The following ENOX1 variants were observed in gnomAD, a reference collection of about 807,000 sequenced individuals.
ENOX1 encodes the protein candidate growth-related and time keeping constitutive hydroquinone (NADH) oxidase.
In ENOX1, 42 loss-of-function variants were observed where a neutral mutation model predicts 82.5. The observed-to-expected ratio is 0.51, with a 90% CI of 0.40 to 0.66. The LOEUF (loss-of-function observed/expected upper bound fraction) is 0.66, where lower values mean the gene tolerates loss of function less well. ENOX1 is among the 30% of genes least tolerant of loss of function. ENOX1 has a pLI of 0.00. For synonymous variants in ENOX1, 271 were observed against 282.2 expected (o/e 0.96, Z 0.40); for missense variants, 608 against 811.6 (o/e 0.75, Z 3.05).
intron 1 of ENOX1, among the ~76,000 whole-genome samples, chr13:43,698,980 A>G (rs2086779033): frequency 1.3e-5 from 2 of 152,224 alleles, no homozygotes; most frequent in East Asian, 1.9e-4. Flanking sequence ...CCAACATTTC[A>G]GACAGAGAAG....
At chr13:43,595,279 T>C (rs912961443) in intron 2 of ENOX1, among the ~76,000 whole-genome samples, 2 of 152,036 alleles carry the variant, frequency 1.3e-5, no homozygotes, top group Non-Finnish European at 2.9e-5. Context: ...TATTTACATT[T>C]TCTTTTTCTT....
chr13:43,698,329 T>C (rs2086740652), intron 1 of ENOX1, among the ~76,000 whole-genome samples: 1 of 152,074 alleles, frequency 6.6e-6, no homozygotes, highest in Non-Finnish European at 1.5e-5. Context: ...ACACATTCAA[T>C]CTTGACCTGG....
At chr13:43,345,605 A>C (rs1172517906) in intron 8 of ENOX1, among the ~76,000 whole-genome samples, 1 of 152,200 alleles carries the variant, frequency 6.6e-6, no homozygotes, top group East Asian at 1.9e-4. Flanking sequence ...AGGTGGAGAA[A>C]AAGAAAGTTT....
At chr13:43,599,900 G>T (rs1412052320) in intron 2 of ENOX1, among the ~76,000 whole-genome samples, 1 of 151,734 alleles carries the variant, frequency 6.6e-6, no homozygotes, top group Non-Finnish European at 1.5e-5. Flanking sequence ...CCCATTCCAG[G>T]CCCTAGCACC....
intron 11 of ENOX1, among the ~76,000 whole-genome samples, chr13:43,318,807 G>A (rs1160510897): frequency 6.6e-6 from 1 of 152,224 alleles, no homozygotes; most frequent in Non-Finnish European, 1.5e-5. Context: ...AACACTGTAA[G>A]TAAAGTCAGA....
At chr13:43,689,282 G>C (rs2086229625) in intron 1 of ENOX1, among the ~76,000 whole-genome samples, 1 of 152,158 alleles carries the variant, frequency 6.6e-6, no homozygotes, top group Non-Finnish European at 1.5e-5. Flanking sequence ...AGTGATTCAG[G>C]CAACTATAAA....
intron 5 of ENOX1, among the ~76,000 whole-genome samples, chr13:43,373,548 A>T: frequency 6.6e-6 from 1 of 152,178 alleles, no homozygotes; most frequent in East Asian, 1.9e-4. Flanking sequence ...CATCCAAATG[A>T]TTATGTCTAT....
intron 5 of ENOX1, among the ~76,000 whole-genome samples, chr13:43,370,354 G>A (rs1007761671): frequency 9.2e-5 from 14 of 151,784 alleles, no homozygotes; most frequent in South Asian, 2.1e-4. Flanking sequence ...GCAACACAGC[G>A]AGACTCCATC....
chr13:43,458,733 C>T (rs1393243562), intron 3 of ENOX1, among the ~76,000 whole-genome samples: 1 of 152,116 alleles, frequency 6.6e-6, no homozygotes, highest in African/African-American at 2.4e-5. Flanking sequence ...TGAAGTCCCT[C>T]CAAGTGTTCA....
intron 1 of ENOX1, among the ~76,000 whole-genome samples, chr13:43,700,606 G>C (rs1174576084): frequency 6.6e-6 from 1 of 152,090 alleles, no homozygotes; most frequent in Non-Finnish European, 1.5e-5. Context: ...ACTTGGTTTG[G>C]ATCATAATCC....
chr13:43,214,845 GC>G (rs2041385300), intron 16 of ENOX1, among the ~76,000 whole-genome samples: 2 of 152,138 alleles, frequency 1.3e-5, no homozygotes, highest in South Asian at 4.1e-4. Flanking sequence ...CCATGTGTAT[GC>G]ATGTGGATTT....
At chr13:43,234,168 T>G (rs963871502) in intron 15 of ENOX1, among the ~76,000 whole-genome samples, 1 of 152,144 alleles carries the variant, frequency 6.6e-6, no homozygotes, top group Admixed American at 6.5e-5. Flanking sequence ...ATAGGATCAT[T>G]TAGTGGCAGG....
chr13:43,619,076 G>A (rs1014351893), intron 2 of ENOX1, among the ~76,000 whole-genome samples: 1 of 149,512 alleles, frequency 6.7e-6, no homozygotes, highest in African/African-American at 2.5e-5. Context: ...ACTGATTTGT[G>A]TATATTAATC....
Position 43,242,929 on chromosome 13 carries a change from A to T in ENOX1, c.1612-6191T>A, listed in dbSNP as rs373304809. Among the ~76,000 whole-genome samples the T allele has an allele frequency of 8.1e-4, 123 of 152,308 alleles. 1 individual carries two copies. Among genetic ancestry groups the T allele is most frequent in the African/African-American group, 2.9e-3 (120 of 41,568 alleles). On this transcript the variant is annotated intron_variant, in intron 14 of 16. Transcript: ENST00000690772. ...GGCAGGTGGATCACTTGAAGTCAGG[A>T]GGTCAAGACCAGCCTGGCCAACATG...
chr13:43,227,795 A>G (rs1447647083), intron 15 of ENOX1, among the ~76,000 whole-genome samples: 2 of 152,160 alleles, frequency 1.3e-5, no homozygotes, highest in Non-Finnish European at 2.9e-5. Flanking sequence ...AGCAATTGCC[A>G]CTAGATATAT....
At chr13:43,512,763 T>C (rs2077418161) in intron 2 of ENOX1, among the ~76,000 whole-genome samples, 1 of 152,074 alleles carries the variant, frequency 6.6e-6, no homozygotes, top group Non-Finnish European at 1.5e-5. Flanking sequence ...TAAACCTGTA[T>C]TTATTGAGAA....
chr13:43,249,998 A>T (rs1312979965), intron 14 of ENOX1, among the ~76,000 whole-genome samples: 1 of 152,200 alleles, frequency 6.6e-6, no homozygotes, highest in Admixed American at 6.5e-5. Context: ...AATAGTGGTG[A>T]TAATAATACT....
intron 2 of ENOX1, among the ~76,000 whole-genome samples, chr13:43,489,630 C>T (rs2076552769): frequency 6.6e-6 from 1 of 152,134 alleles, no homozygotes; most frequent in African/African-American, 2.4e-5. Flanking sequence ...CATAAAATCC[C>T]ATTATTGTAG....
intron 2 of ENOX1, among the ~76,000 whole-genome samples, chr13:43,527,391 A>C (rs1388456996): frequency 6.6e-6 from 1 of 152,150 alleles, no homozygotes; most frequent in Non-Finnish European, 1.5e-5. Flanking sequence ...ATACAATGTT[A>C]CACTTAACTG....
Sources: allele counts gnomAD v4.1 joint callset (sites outside exome capture counted in the v4.1 genomes callset), GRCh38; gene constraint gnomAD v4.1.1; transcripts MANE v1.5; gene names NCBI Gene and HGNC (gene_info 2026-07-23, HGNC 2026-07-21).